The following AMD1 variants were observed in gnomAD, a reference collection of about 807,000 sequenced individuals.
The protein encoded by AMD1 is S-adenosylmethionine decarboxylase proenzyme.
A neutral mutation model predicts 40.2 loss-of-function variants in AMD1; 11 were observed. The ratio of observed to expected loss-of-function variants is 0.27; its 90% confidence interval spans 0.17 to 0.45. The LOEUF is 0.45. AMD1 is among the 20% of genes least tolerant of loss of function. AMD1 has a pLI of 1.00. For synonymous variants in AMD1, 121 were observed against 130.8 expected (o/e 0.93, Z 0.51); for missense variants, 257 against 410.2 (o/e 0.63, Z 3.23).
At chr6:110,892,883 C>T (rs201508745) in intron 7 of AMD1, 27 bp from the exon 8 acceptor site, 1 of 1,613,122 alleles carries the variant, frequency 6.2e-7, no homozygotes, top group East Asian at 2.2e-5. Context: ...TCTTTCCATT[C>T]TTAACACTGT....
the AMD1 span, among the ~76,000 whole-genome samples, chr6:110,846,927 T>C: frequency 6.6e-6 from 1 of 152,090 alleles, no homozygotes; most frequent in East Asian, 1.9e-4. Flanking sequence ...TTTTCTGCTT[T>C]TTATACAAGG....
chr6:110,847,042 AGT>A, the AMD1 span, among the ~76,000 whole-genome samples: 111 of 146,258 alleles, frequency 7.6e-4, 1 homozygote, highest in South Asian at 0.01. Context: ...GAACTAGGAG[AGT>A]GTGTGTGTGT....
chr6:110,874,108 C>G (rs918666933), upstream of AMD1, among the ~76,000 whole-genome samples: 6 of 152,192 alleles, frequency 3.9e-5, no homozygotes, highest in East Asian at 1.2e-3. Context: ...CGGGGCCCTC[C>G]AAGGCTGGGC....
upstream of AMD1, among the ~76,000 whole-genome samples, chr6:110,874,358 C>G (rs1266369446): frequency 1.3e-5 from 2 of 152,208 alleles, no homozygotes; most frequent in Non-Finnish European, 2.9e-5. Context: ...TCGCGGTGAA[C>G]TGCACAAGAT....
At chr6:110,864,138 T>C in the AMD1 span, 2 of 172,666 alleles carry the variant, frequency 1.2e-5, no homozygotes, top group Admixed American at 6.4e-5. Context: ...TTTGTATTTT[T>C]ATTAGAGACG....
chr6:110,846,234 C>CAAA, the AMD1 span, among the ~76,000 whole-genome samples: 1 of 151,648 alleles, frequency 6.6e-6, no homozygotes, highest in Non-Finnish European at 1.5e-5. Context: ...GTGACTGTCT[C>CAAA]AAACAACAAC....
the AMD1 span, among the ~76,000 whole-genome samples, chr6:110,837,240 G>A: frequency 1.7e-4 from 25 of 148,220 alleles, 1 homozygote; most frequent in South Asian, 4.7e-3. Context: ...AGGTCTAGGC[G>A]GGAGGATGAC....
chr6:110,850,320 G>A, the AMD1 span, among the ~76,000 whole-genome samples: 1 of 152,102 alleles, frequency 6.6e-6, no homozygotes, highest in South Asian at 2.1e-4. Context: ...TTAGACGTTG[G>A]GAATATTTGG....
the AMD1 span, among the ~76,000 whole-genome samples, chr6:110,845,878 C>T: frequency 6.6e-6 from 1 of 152,164 alleles, no homozygotes; most frequent in Non-Finnish European, 1.5e-5. Flanking sequence ...TATAGAGAAC[C>T]TTGACTAATA....
At chr6:110,851,519 T>C in the AMD1 span, among the ~76,000 whole-genome samples, 3 of 151,208 alleles carry the variant, frequency 2.0e-5, no homozygotes, top group Non-Finnish European at 4.4e-5. Flanking sequence ...CTGGAGTCCA[T>C]TGGCACAATC....
In AMD1 at chr6:110,894,675, C is replaced by T. The variant is rs1250598110; in HGVS notation, c.*1059C>T. The T allele has an allele frequency of 2.0e-5, 3 of 152,188 alleles. No homozygotes were observed. Among genetic ancestry groups the T allele is most frequent in the Non-Finnish European group, 4.4e-5 (3 of 68,022 alleles). 9.4% of individuals were successfully genotyped at this position (152,188 alleles called of 1,614,324 possible). Reference sequence around the variant, plus strand: ...GTAAATCAAGTCAGCTTGGATCATTCACCTTAACTTTTCCTTTAGCAGCCA... The same window carrying T: ...GTAAATCAAGTCAGCTTGGATCATTTACCTTAACTTTTCCTTTAGCAGCCA... On this transcript the variant is annotated 3_prime_UTR_variant, in exon 9 of 9. Coordinates refer to ENST00000368885, the MANE Select transcript of AMD1 (RefSeq NM_001634.6).
the AMD1 span, among the ~76,000 whole-genome samples, chr6:110,836,901 C>A: frequency 6.6e-6 from 1 of 151,960 alleles, no homozygotes; most frequent in Non-Finnish European, 1.5e-5. Context: ...CACCTGTAAT[C>A]CCAATGTTTT....
At chr6:110,841,755 A>T in the AMD1 span, among the ~76,000 whole-genome samples, 2 of 151,670 alleles carry the variant, frequency 1.3e-5, no homozygotes, top group African/African-American at 4.8e-5. Context: ...AAGGAAAATT[A>T]AAATGCTGGA....
intron 1 of AMD1, among the ~76,000 whole-genome samples, chr6:110,882,835 T>G (rs1318359079): frequency 6.6e-6 from 1 of 152,242 alleles, no homozygotes; most frequent in Non-Finnish European, 1.5e-5. Flanking sequence ...AAGAGCATTT[T>G]GAAGCCAATG....
chr6:110,825,375 C>T, the AMD1 span, among the ~76,000 whole-genome samples: 4 of 152,106 alleles, frequency 2.6e-5, no homozygotes, highest in African/African-American at 9.7e-5. Context: ...ATCGATTTTG[C>T]CATTTATCAA....
At chr6:110,864,298 A>T in the AMD1 span, 1 of 152,580 alleles carries the variant, frequency 6.6e-6, no homozygotes, top group African/African-American at 2.4e-5. Context: ...AAAAATTAAG[A>T]GTAAATAAAG....
the AMD1 span, among the ~76,000 whole-genome samples, chr6:110,842,240 A>G: frequency 1.3e-5 from 2 of 152,192 alleles, no homozygotes; most frequent in Admixed American, 1.3e-4. Context: ...TTTGTTCCAC[A>G]CTATGTTTTT....
chr6:110,859,162 T>C, the AMD1 span: 3 of 1,155,950 alleles, frequency 2.6e-6, no homozygotes, highest in South Asian at 4.5e-5. Context: ...CCCAGCACGC[T>C]CTCTCCCCAT....
At chr6:110,887,333 A>G (rs756737842) in intron 1 of AMD1, among the ~76,000 whole-genome samples, 172 bp from the exon 2 acceptor site, 9 of 152,208 alleles carry the variant, frequency 5.9e-5, no homozygotes, top group Non-Finnish European at 1.0e-4. Context: ...AGCATAATAT[A>G]CCTATCATTT....
Sources: allele counts gnomAD v4.1 joint callset (sites outside exome capture counted in the v4.1 genomes callset), GRCh38; gene constraint gnomAD v4.1.1; transcripts MANE v1.5; gene names NCBI Gene and HGNC (gene_info 2026-07-23, HGNC 2026-07-21).